Variants in DUSP29 observed in about 807,000 individuals in gnomAD.
DUSP29 encodes atypical dual-specific protein phosphatase.
A neutral mutation model predicts 13.5 loss-of-function variants in DUSP29; 12 were observed. The observed-to-expected ratio is 0.89, with a 90% CI of 0.57 to 1.44. The LOEUF (loss-of-function observed/expected upper bound fraction) is 1.44, where lower values mean the gene tolerates loss of function less well. DUSP29 is among the 40% of genes most tolerant of loss of function. The pLI, the probability that DUSP29 is intolerant of heterozygous loss-of-function variation, is 0.00. For missense variants in DUSP29, 308 were observed against 301.1 expected (o/e 1.02, Z -0.17); for synonymous variants, 134 against 128.7 (o/e 1.04, Z -0.28).
rs552387992 is a variant in DUSP29 at position 75,041,783 on chromosome 10, G to C, written c.421+2014C>G. On this transcript the variant is annotated intron_variant, in intron 3 of 3. Transcript: ENST00000338487. ...ATCCAAGTATCTACTCTCCTCCGTT[G>C]GCCCTTTGTTTGCTAGGTGCCACCT... Among the ~76,000 whole-genome samples the C allele has an allele frequency of 3.3e-5, 5 of 152,170 alleles. No individual in the cohort carries two copies. In the East Asian group the frequency reaches 9.7e-4, roughly 29 times the overall value.
chr10:75,062,845 T>C (rs11816784), intron 1 of DUSP29, among the ~76,000 whole-genome samples: 1,630 of 152,268 alleles, frequency 0.011, 15 homozygotes, highest in Non-Finnish European at 0.019. Context: ...ACAGGCTAAA[T>C]GTCATAATGA....
chr10:75,046,965 C>G (rs1589859163), intron 2 of DUSP29, among the ~76,000 whole-genome samples: 1 of 152,200 alleles, frequency 6.6e-6, no homozygotes, highest in South Asian at 2.1e-4. Flanking sequence ...TGGCTTTCAA[C>G]ATAATCAAGT....
At chr10:75,066,760 G>T (rs1286884629) in intron 1 of DUSP29, among the ~76,000 whole-genome samples, 2 of 152,002 alleles carry the variant, frequency 1.3e-5, no homozygotes, top group Non-Finnish European at 2.9e-5. Context: ...CTCTCCAGTG[G>T]CACCGAGTGC....
chr10:75,058,256 G>A (rs1847006966), intron 2 of DUSP29, 59 bp downstream of exon 2: 2 of 1,563,670 alleles, frequency 1.3e-6, no homozygotes, highest in African/African-American at 1.4e-5. Context: ...GTGGCGCAGG[G>A]CGTGGCCTGG....
At position 75,038,588 on chromosome 10, in the gene DUSP29, G is replaced by A. The variant is rs115009645; in HGVS notation, c.422-511C>T. Among the ~76,000 whole-genome samples the A allele has an allele frequency of 9.9e-3, 1,511 of 152,190 alleles. 29 individuals carry two copies. Among genetic ancestry groups the A allele is most frequent in the African/African-American group, 0.035 (1,441 of 41,512 alleles). On this transcript the variant is annotated intron_variant, in intron 3 of 3. Transcript: ENST00000338487. ...CGTTTCTTCCTCTCCCAGAAAACAG[G>A]GTAATTCTTTCTGTCATGACTCAGT...
chr10:75,059,897 G>A (rs1419232768), intron 1 of DUSP29, among the ~76,000 whole-genome samples: 2 of 152,196 alleles, frequency 1.3e-5, no homozygotes, highest in Non-Finnish European at 2.9e-5. Context: ...GGTGGCTCAT[G>A]CCTGTAATCC....
intron 2 of DUSP29, among the ~76,000 whole-genome samples, chr10:75,048,587 A>G (rs1294872514): frequency 6.6e-6 from 1 of 152,022 alleles, no homozygotes; most frequent in Non-Finnish European, 1.5e-5. Flanking sequence ...TTTAGTAGAG[A>G]CAGGGTTTCA....
intron 2 of DUSP29, among the ~76,000 whole-genome samples, chr10:75,052,543 G>A (rs1046232272): frequency 5.9e-5 from 9 of 152,114 alleles, no homozygotes; most frequent in African/African-American, 1.4e-4. Flanking sequence ...TCCTGACCTC[G>A]TAATCCGCCT....
chr10:75,040,534 G>T (rs1470927751), intron 3 of DUSP29, among the ~76,000 whole-genome samples: 2 of 152,220 alleles, frequency 1.3e-5, no homozygotes, highest in Non-Finnish European at 2.9e-5. Context: ...CTGATGAAGA[G>T]TGACAAATTC....
rs770552147 is a variant in DUSP29, at chr10:75,038,038, G to C, written c.461C>G (p.Ser154Ter). 10 of 1,613,712 alleles carry C rather than the reference G, an allele frequency of 6.2e-6. No homozygotes were observed. The East Asian group carries it at 2.2e-4, about 36-fold the overall frequency. Residue 154 changes from serine to a stop codon, truncating the protein, a stop_gained, in exon 4 of 4, where the codon TCA (serine) becomes TGA (stop). Transcript: ENST00000338487. LOFTEE classifies it high-confidence loss of function. ...LVHCVMGRSR[S>*]ATLVLAYLMI... ...CAGGTAGGCCAGGACCAGGGTGGCTGACCGGCTGCGGCCCATGACGCAGTG... is the reference window on the plus strand; with the variant it reads ...CAGGTAGGCCAGGACCAGGGTGGCTCACCGGCTGCGGCCCATGACGCAGTG...
In DUSP29 at chr10:75,043,788, G is replaced by C; in HGVS notation, c.421+9C>G. On this transcript the variant is annotated intron_variant, in intron 3 of 3. Transcript: ENST00000338487. ...GGGGCCGATCGGGGCGGGGCCGCGG[G>C]TCTCTTACTGTGGTCGTCGCTTAGC... The C allele has an allele frequency of 6.2e-7, 1 of 1,609,620 alleles. No individual in the cohort carries two copies. The highest frequency in any genetic ancestry group is 8.5e-7 in the Non-Finnish European group (1 of 1,179,508).
intron 1 of DUSP29, among the ~76,000 whole-genome samples, chr10:75,061,694 C>T (rs11001268): frequency 0.33 from 50,799 of 151,988 alleles, 9,365 homozygotes; most frequent in East Asian, 0.73. Flanking sequence ...GTGGGAGGCC[C>T]GGTCTTTGGC....
chr10:75,067,985 G>C (rs1488153193), intron 1 of DUSP29, among the ~76,000 whole-genome samples: 1 of 151,960 alleles, frequency 6.6e-6, no homozygotes, highest in Non-Finnish European at 1.5e-5. Flanking sequence ...GCTAATTTTT[G>C]TATTTTTAGT....
intron 3 of DUSP29, 110 bp downstream of exon 3, chr10:75,043,687 A>G: frequency 1.0e-6 from 1 of 987,300 alleles, no homozygotes; most frequent in Non-Finnish European, 1.4e-6. Context: ...AGCCTAGGCT[A>G]GGGGCGGAGC....
chr10:75,059,079 A>G (rs528869759), intron 1 of DUSP29, among the ~76,000 whole-genome samples: 2 of 152,318 alleles, frequency 1.3e-5, no homozygotes, highest in East Asian at 3.9e-4. Flanking sequence ...GCAGGACTTC[A>G]GAAGCCTTGA....
At chr10:75,042,992 C>T (rs1317436525) in intron 3 of DUSP29, among the ~76,000 whole-genome samples, 1 of 152,248 alleles carries the variant, frequency 6.6e-6, no homozygotes, top group East Asian at 1.9e-4. Flanking sequence ...CTAAGCTGTG[C>T]CCTTCTCTCC....
intron 2 of DUSP29, among the ~76,000 whole-genome samples, chr10:75,045,765 G>A (rs1188552328): frequency 6.6e-6 from 1 of 152,152 alleles, no homozygotes; most frequent in Admixed American, 6.5e-5. Flanking sequence ...CAAGTGTGGT[G>A]GAAGTCTGCT....
At chr10:75,038,479 A>G (rs1468180075) in intron 3 of DUSP29, among the ~76,000 whole-genome samples, 2 of 151,980 alleles carry the variant, frequency 1.3e-5, no homozygotes, top group Admixed American at 1.3e-4. Flanking sequence ...GTCCAGCTGG[A>G]TGAATGTCCA....
chr10:75,069,355 C>T (rs962431961), intron 1 of DUSP29, among the ~76,000 whole-genome samples: 5 of 152,266 alleles, frequency 3.3e-5, no homozygotes, highest in African/African-American at 9.6e-5. Flanking sequence ...TGACCAGGCC[C>T]GTTGTGGTTC....
Sources: allele counts gnomAD v4.1 joint callset (sites outside exome capture counted in the v4.1 genomes callset), GRCh38; gene constraint gnomAD v4.1.1; transcripts MANE v1.5; gene names NCBI Gene and HGNC (gene_info 2026-07-23, HGNC 2026-07-21).